The following DBT variants were observed in gnomAD, a reference collection of about 807,000 sequenced individuals.
DBT encodes dihydrolipoamide branched chain transacylase E2, also known as lipoamide acyltransferase component of branched-chain alpha-keto acid dehydrogenase complex, mitochondrial.
DBT carries 40 observed loss-of-function variants against 51.3 expected under a neutral mutation model. The observed-to-expected ratio is 0.78, with a 90% CI of 0.61 to 1.02. The LOEUF (loss-of-function observed/expected upper bound fraction) is 1.02. Among genes scored for constraint, DBT ranks in the 50% least tolerant of loss-of-function variants. DBT has a pLI of 0.00. For missense variants in DBT, 510 were observed against 580.2 expected (o/e 0.88, Z 1.24); for synonymous variants, 181 against 190.4 (o/e 0.95, Z 0.41).
intron 4 of DBT, 93 bp downstream of exon 4, chr1:100,230,640 A>AT: frequency 1.2e-6 from 1 of 809,930 alleles, no homozygotes; most frequent in South Asian, 1.8e-5. Context: ...AAAAAAAAAA[A>AT]ACAAAAAAAC....
chr1:100,210,439 C>T, intron 8 of DBT: 2 of 330,522 alleles, frequency 6.1e-6, no homozygotes, highest in Non-Finnish European at 1.1e-5. Context: ...CATAATCTGC[C>T]ATACAGCTAT....
At chr1:100,225,764 G>A (rs1281476698) in intron 4 of DBT, among the ~76,000 whole-genome samples, 1 of 149,542 alleles carries the variant, frequency 6.7e-6, no homozygotes, top group Admixed American at 6.7e-5. Flanking sequence ...GGCGGAGGTT[G>A]CAGTGAGCTA....
At chr1:100,228,516 C>T (rs1260041786) in intron 4 of DBT, among the ~76,000 whole-genome samples, 1 of 152,158 alleles carries the variant, frequency 6.6e-6, no homozygotes, top group African/African-American at 2.4e-5. Context: ...TCCACCACTT[C>T]AGGAGGATGC....
At chr1:100,205,343 CAT>C (rs757298181) in intron 10 of DBT, among the ~76,000 whole-genome samples, 11 of 152,186 alleles carry the variant, frequency 7.2e-5, no homozygotes, top group East Asian at 1.9e-4. Context: ...GGCCAACAAA[CAT>C]ATGAAAAAAA....
At chr1:100,221,031 T>C (rs970364270) in intron 4 of DBT, among the ~76,000 whole-genome samples, 2 of 152,194 alleles carry the variant, frequency 1.3e-5, no homozygotes, top group Admixed American at 6.5e-5. Flanking sequence ...ACTTGGATAA[T>C]GCATATTTGC....
At chr1:100,241,749 T>G (rs1664227858) in intron 1 of DBT, among the ~76,000 whole-genome samples, 2 of 152,058 alleles carry the variant, frequency 1.3e-5, no homozygotes, top group Non-Finnish European at 2.9e-5. Flanking sequence ...CCAGGCGCGG[T>G]GGCTCACGCC....
At chr1:100,232,947 A>G (rs1013939616) in intron 3 of DBT, among the ~76,000 whole-genome samples, 2 of 152,242 alleles carry the variant, frequency 1.3e-5, no homozygotes, top group Non-Finnish European at 2.9e-5. Flanking sequence ...GGCAACCACA[A>G]AGAAAATAAC....
rs1180022912 is a variant in DBT at position 100,239,890 on chromosome 1, A to G, written c.175+871T>C. Among the ~76,000 whole-genome samples, 3 of 142,250 alleles carry G rather than the reference A, an allele frequency of 2.1e-5. No individual in the cohort carries two copies. In the East Asian group the frequency reaches 6.1e-4, roughly 29 times the overall value. 93.3% of individuals were successfully genotyped at this position (142,250 alleles called of 152,430 possible). A position where few individuals can be genotyped will look rare whatever the true frequency, so the allele number is the denominator to read the frequency against. On this transcript the variant is annotated intron_variant, in intron 2 of 10. Coordinates refer to ENST00000370132, the MANE Select transcript of DBT (RefSeq NM_001918.5). ...AAAAAAAAAAAAAAAAAAAAAGAGC[A>G]TGGAAAGGCTGACTTGGGGTCTGCC... is the stretch of plus-strand genomic sequence containing the variant.
intron 7 of DBT, 89 bp from the exon 8 acceptor site, chr1:100,210,860 G>A (rs1222591568): frequency 1.6e-5 from 26 of 1,581,458 alleles, no homozygotes; most frequent in East Asian, 6.7e-5. Flanking sequence ...AAAGGAGGGA[G>A]AGAGAGAACT....
chr1:100,230,765 G>A lies in DBT; in HGVS notation c.401C>T (p.Pro134Leu), dbSNP rs1131691488. 41 of 1,610,852 alleles carry A rather than the reference G, an allele frequency of 2.5e-5. No individual in the cohort carries two copies. The highest frequency in any genetic ancestry group is 3.3e-5 in the Non-Finnish European group (39 of 1,177,864). ...NLDDIAYVGK[P>L]LVDIETEALK... ...AGCTTCCGTTTCTATGTCTACTAAT[G>A]GCTTCCCCACATAGGCAATATCGTC... The change falls in exon 4 of 11, where the codon CCA (proline) becomes CTA (leucine). Residue 134 changes from proline to leucine, a missense_variant. Pro to Leu is a moderately conservative substitution (Grantham distance 98). Coordinates refer to ENST00000370132, the MANE Select transcript of DBT (RefSeq NM_001918.5).
At position 100,194,904 on chromosome 1, in the gene DBT, G is replaced by C. The variant is rs1001785444; in HGVS notation, c.*1351C>G. On this transcript the variant is annotated 3_prime_UTR_variant, in exon 11 of 11. Transcript: ENST00000370132. ...TAATTTTGGCATACAGTTTTCAACT[G>C]GACAATATTAGAAACAACATGGATT... The C allele has an allele frequency of 3.3e-5, 5 of 152,030 alleles. No individual in the cohort carries two copies. The highest frequency in any genetic ancestry group is 1.2e-4 in the African/African-American group (5 of 41,380). The allele number at this position is 152,030 out of a possible 1,614,324, so 9.4% of individuals were successfully genotyped here. A position where few individuals can be genotyped will look rare whatever the true frequency, so the allele number is the denominator to read the frequency against.
intron 8 of DBT, among the ~76,000 whole-genome samples, chr1:100,210,139 C>T (rs1056649762): frequency 5.3e-5 from 8 of 151,718 alleles, no homozygotes; most frequent in African/African-American, 1.7e-4. Flanking sequence ...AATGAGACCA[C>T]GTCTCTACAA....
chr1:100,244,906 A>G (rs1027019474), intron 1 of DBT, among the ~76,000 whole-genome samples: 2 of 152,138 alleles, frequency 1.3e-5, no homozygotes, highest in African/African-American at 4.8e-5. Flanking sequence ...ACACAAAGCA[A>G]CAGGCTCCTG....
At chr1:100,199,477 G>A (rs1425637898) in intron 10 of DBT, among the ~76,000 whole-genome samples, 1 of 152,122 alleles carries the variant, frequency 6.6e-6, no homozygotes, top group East Asian at 1.9e-4. Context: ...TCTGTGCCTG[G>A]CATAATCCAC....
intron 1 of DBT, among the ~76,000 whole-genome samples, chr1:100,246,712 A>C (rs1664560531): frequency 6.6e-6 from 1 of 152,206 alleles, no homozygotes; most frequent in Non-Finnish European, 1.5e-5. Context: ...ACAATGTGCC[A>C]GGCACTTGGG....
At chr1:100,218,791 T>C in intron 4 of DBT, 44 bp from the exon 5 acceptor site, 1 of 1,590,342 alleles carries the variant, frequency 6.3e-7, no homozygotes, top group Non-Finnish European at 8.6e-7. Flanking sequence ...AAAAAATTTT[T>C]TTTTTTTACT....
intron 2 of DBT, among the ~76,000 whole-genome samples, chr1:100,236,428 A>G (rs1293289946): frequency 2.0e-5 from 3 of 152,300 alleles, no homozygotes; most frequent in African/African-American, 7.2e-5. Flanking sequence ...ACTGCTGTTA[A>G]CCATATTTGC....
intron 4 of DBT, among the ~76,000 whole-genome samples, chr1:100,229,171 T>A (rs1218531835): frequency 1.3e-5 from 2 of 152,062 alleles, no homozygotes; most frequent in Non-Finnish European, 2.9e-5. Flanking sequence ...CTTTCTTTTT[T>A]TTCCTTTTTT....
intron 4 of DBT, among the ~76,000 whole-genome samples, chr1:100,220,761 C>T (rs1359528226): frequency 6.6e-6 from 1 of 152,218 alleles, no homozygotes; most frequent in Non-Finnish European, 1.5e-5. Context: ...TGAATTCAGT[C>T]CTAGGGCTGA....
Sources: allele counts gnomAD v4.1 joint callset (sites outside exome capture counted in the v4.1 genomes callset), GRCh38; gene constraint gnomAD v4.1.1; transcripts MANE v1.5; gene names NCBI Gene and HGNC (gene_info 2026-07-23, HGNC 2026-07-21).